The following AMPD3 variants were observed in gnomAD, a reference collection of about 807,000 sequenced individuals.
The protein encoded by AMPD3 is AMP deaminase 3.
AMPD3 carries 57 observed loss-of-function variants against 82.3 expected under a neutral mutation model. The ratio of observed to expected loss-of-function variants is 0.69; its 90% confidence interval spans 0.56 to 0.86. The LOEUF is 0.86. AMPD3 is among the 40% of genes least tolerant of loss of function. The pLI, the probability that AMPD3 is intolerant of heterozygous loss-of-function variation, is 0.00. For synonymous variants in AMPD3, 381 were observed against 394.7 expected, an observed-to-expected ratio of 0.97 and a Z score of 0.41; for missense variants, 870 against 1,003.8, an observed-to-expected ratio of 0.87 and a Z score of 1.80.
At chr11:10,505,219 A>T (rs1013270938) in intron 14 of AMPD3, 4 of 985,270 alleles carry the variant, frequency 4.1e-6, no homozygotes, top group Non-Finnish European at 4.8e-6. Flanking sequence ...GTCCCCCGAC[A>T]CCTCCCTGGG....
At position 10,478,574 on chromosome 11, in the gene AMPD3, G is replaced by C. The variant is rs755950396; in HGVS notation, c.270G>C (p.Met90Ile). 2 of 1,614,058 alleles carry C rather than the reference G, an allele frequency of 1.2e-6. No homozygotes were observed. The highest frequency in any genetic ancestry group is 1.7e-6 in the Non-Finnish European group (2 of 1,180,058). Residue 90 changes from methionine (M) to isoleucine (I), a missense_variant, in exon 3 of 15, where the codon ATG becomes ATC. Coordinates refer to ENST00000396553, the MANE Select transcript of AMPD3 (RefSeq NM_001025389.2). Reference sequence around the variant, plus strand: ...GGTCCCAGTCCCTGTCTCTGCAAATGCCGCCACAGCAAGATTGGAAGGGCC... The same window carrying C: ...GGTCCCAGTCCCTGTCTCTGCAAATCCCGCCACAGCAAGATTGGAAGGGCC... ...MIRSQSLSLQ[M>I]PPQQDWKGPP...
intron 4 of AMPD3, 140 bp downstream of exon 4, chr11:10,482,365 G>A: frequency 1.0e-6 from 1 of 979,834 alleles, no homozygotes; most frequent in Non-Finnish European, 1.5e-6. Flanking sequence ...CCACACTGAT[G>A]TTTGATGGTT....
intron 2 of AMPD3, among the ~76,000 whole-genome samples, chr11:10,474,845 C>CTG (rs1848692745): frequency 6.6e-6 from 1 of 152,122 alleles, no homozygotes; most frequent in Non-Finnish European, 1.5e-5. Context: ...GGTGTGCCAG[C>CTG]TGTAGCCCAG....
chr11:10,494,772 C>G (rs567080112), intron 7 of AMPD3, 127 bp from the exon 8 acceptor site: 1 of 1,571,522 alleles, frequency 6.4e-7, no homozygotes, highest in Non-Finnish European at 8.7e-7. Context: ...AGGTTTCATG[C>G]AAGAATTGAC....
upstream of AMPD3, chr11:10,450,611 G>T: frequency 1.0e-6 from 1 of 992,434 alleles, no homozygotes; most frequent in Non-Finnish European, 1.2e-6. Context: ...CCGGGCTGCG[G>T]CGCGGGCCCC....
chr11:10,466,446 C>T (rs976123744), intron 2 of AMPD3, among the ~76,000 whole-genome samples: 1 of 152,084 alleles, frequency 6.6e-6, no homozygotes, highest in East Asian at 1.9e-4. Context: ...TAGGTGGAAC[C>T]CACCGCAGCT....
At chr11:10,487,455 T>A in intron 6 of AMPD3, 91 bp downstream of exon 6, 1 of 1,583,218 alleles carries the variant, frequency 6.3e-7, no homozygotes, top group South Asian at 1.1e-5. Flanking sequence ...TTGTCCCCTG[T>A]GAGAACTTCA....
chr11:10,481,118 T>G (rs1242739991), intron 3 of AMPD3, among the ~76,000 whole-genome samples: 1 of 152,196 alleles, frequency 6.6e-6, no homozygotes, highest in Non-Finnish European at 1.5e-5. Context: ...GGGCCTCAGT[T>G]TTCCCATTTG....
At chr11:10,499,589 C>T in intron 10 of AMPD3, 1 of 925,838 alleles carries the variant, frequency 1.1e-6, no homozygotes, top group Non-Finnish European at 1.3e-6. Context: ...GGGCTGGCAG[C>T]CAACCCCTCC....
intron 2 of AMPD3, among the ~76,000 whole-genome samples, chr11:10,462,148 G>C (rs765222943): frequency 3.3e-5 from 5 of 152,184 alleles, no homozygotes; most frequent in Non-Finnish European, 7.3e-5. Context: ...AAGATAGATA[G>C]AGTCCCTGGG....
At chr11:10,479,780 A>C (rs1158756640) in intron 3 of AMPD3, 2 of 423,926 alleles carry the variant, frequency 4.7e-6, no homozygotes, top group Admixed American at 6.4e-5. Context: ...AGATAATGCC[A>C]TATCAATATA....
chr11:10,470,536 T>C (rs1056992442), intron 2 of AMPD3, among the ~76,000 whole-genome samples: 4 of 152,194 alleles, frequency 2.6e-5, no homozygotes, highest in African/African-American at 7.2e-5. Context: ...TCTCTGTTTG[T>C]GGATGACATG....
intron 5 of AMPD3, 87 bp from the exon 6 acceptor site, chr11:10,487,148 G>T: frequency 1.9e-6 from 3 of 1,601,842 alleles, no homozygotes; most frequent in Admixed American, 1.7e-5. Context: ...CTTCCAGCCA[G>T]GGTTGGCCCC....
chr11:10,490,462 A>G, intron 6 of AMPD3: 1 of 984,896 alleles, frequency 1.0e-6, no homozygotes, highest in Non-Finnish European at 1.2e-6. Flanking sequence ...GGAAATGGTC[A>G]ATGTTGGCTT....
At chr11:10,493,759 C>T in intron 7 of AMPD3, 1 of 635,928 alleles carries the variant, frequency 1.6e-6, no homozygotes, top group Non-Finnish European at 2.8e-6. Context: ...CCTGACAGGT[C>T]TAAGCACTAA....
upstream of AMPD3, among the ~76,000 whole-genome samples, chr11:10,452,049 G>C (rs1318624083): frequency 6.6e-6 from 1 of 152,132 alleles, no homozygotes; most frequent in Non-Finnish European, 1.5e-5. Flanking sequence ...TAGGAATAAT[G>C]ACACCTGCAT....
intron 2 of AMPD3, among the ~76,000 whole-genome samples, chr11:10,469,509 C>G (rs928831438): frequency 5.9e-5 from 9 of 152,104 alleles, no homozygotes; most frequent in African/African-American, 2.2e-4. Context: ...AATGAATAGC[C>G]TACCAACCAA....
chr11:10,497,438 A>G (rs918228795), intron 10 of AMPD3, among the ~76,000 whole-genome samples: 3 of 152,134 alleles, frequency 2.0e-5, no homozygotes, highest in Non-Finnish European at 2.9e-5. Context: ...GCAGTCTGGG[A>G]GAGGCTTAAC....
intron 2 of AMPD3, among the ~76,000 whole-genome samples, chr11:10,462,506 T>C (rs1848299943): frequency 6.6e-6 from 1 of 152,192 alleles, no homozygotes; most frequent in African/African-American, 2.4e-5. Flanking sequence ...GCTGCAGAGA[T>C]GCCTCCCAAG....
Sources: gnomAD v4.1 joint callset for allele counts (sites outside exome capture counted in the v4.1 genomes callset) on GRCh38, gnomAD v4.1.1 for gene constraint, MANE v1.5 for transcripts, NCBI Gene and HGNC (gene_info 2026-07-23, HGNC 2026-07-21) for gene names.